The following ANK3 variants were observed in gnomAD, a reference collection of about 807,000 sequenced individuals.
ANK3 encodes the protein ankyrin-3.
In ANK3, 57 loss-of-function variants were observed where a neutral mutation model predicts 370.9. The ratio of observed to expected loss-of-function variants is 0.15; its 90% CI spans 0.12 to 0.19. The LOEUF is 0.19. Among genes scored for constraint, ANK3 ranks in the 10% least tolerant of loss-of-function variants. The pLI is 1.00. For synonymous variants in ANK3, 1,929 were observed against 1,946.3 expected (o/e 0.99, Z 0.23); for missense variants, 4,439 against 5,302.1 (o/e 0.84, Z 5.06).
chr10:60,070,141 A>T lies in ANK3; in HGVS notation c.10740T>A (p.Pro3580=). The T allele has an allele frequency of 6.2e-7, 1 of 1,614,150 alleles. No individual in the cohort carries two copies. Among genetic ancestry groups the T allele is most frequent in the Non-Finnish European group, 8.5e-7 (1 of 1,180,006 alleles). Residue 3580 remains proline, a synonymous_variant, in exon 37 of 44, where the codon CCT becomes CCA. Transcript: ENST00000280772. The surrounding 1 kb of genome is among the most constrained non-coding windows in gnomAD (Gnocchi z 5.7). ...TTGGCGTTCTGGCTGGCGTTGTATCAGGGGTTGTTGCTGGAGAGCGGTCTT... is the reference window on the plus strand; with the variant it reads ...TTGGCGTTCTGGCTGGCGTTGTATCTGGGGTTGTTGCTGGAGAGCGGTCTT... The part of the protein sequence containing the change: ...AVEDRSPATT[P]DTTPARTPTD...
At chr10:60,499,398 AT>A (rs781325034) in intron 2 of ANK3, among the ~76,000 whole-genome samples, 21 of 152,332 alleles carry the variant, frequency 1.4e-4, no homozygotes, top group Non-Finnish European at 2.8e-4. Context: ...TATAATACAT[AT>A]TTTTATAAGT....
chr10:60,574,208 A>G (rs2133271319), intron 2 of ANK3, among the ~76,000 whole-genome samples: 1 of 152,308 alleles, frequency 6.6e-6, no homozygotes, highest in African/African-American at 2.4e-5. Context: ...CTGAAACACC[A>G]GTCCCAGAGA....
intron 2 of ANK3, among the ~76,000 whole-genome samples, chr10:60,604,846 T>C (rs886881018): frequency 1.5e-4 from 23 of 152,078 alleles, no homozygotes; most frequent in African/African-American, 5.3e-4. Context: ...TGCTTTATTA[T>C]TGAAACAAGT....
In ANK3 at chr10:60,174,136, T is replaced by C. The variant is rs138473004; in HGVS notation, c.2185-950A>G. ...TTATATGATGGCACTAGAGTCTTTA[T>C]GGTGACCCCAGCAAATGAATACATT... On this transcript the variant is annotated intron_variant, in intron 18 of 43. Transcript: ENST00000280772. Among the ~76,000 whole-genome samples the C allele has an allele frequency of 4.6e-3, 698 of 152,308 alleles. 4 individuals carry two copies. Among genetic ancestry groups the C allele is most frequent in the African/African-American group, 0.016 (671 of 41,560 alleles).
intron 1 of ANK3, among the ~76,000 whole-genome samples, chr10:60,682,039 T>A (rs1564544084): frequency 6.6e-6 from 1 of 152,014 alleles, no homozygotes; most frequent in Non-Finnish European, 1.5e-5. Context: ...CTTAGCTACT[T>A]AGGAGGCTGA....
At chr10:60,458,372 A>G (rs1432463829) in intron 2 of ANK3, among the ~76,000 whole-genome samples, 2 of 152,122 alleles carry the variant, frequency 1.3e-5, no homozygotes, top group Admixed American at 1.3e-4. Context: ...TCTCTTAGGG[A>G]GGGTCCTAAT....
intron 16 of ANK3, among the ~76,000 whole-genome samples, chr10:60,187,926 G>A (rs997745980): frequency 2.0e-5 from 3 of 152,118 alleles, no homozygotes; most frequent in Non-Finnish European, 4.4e-5. Flanking sequence ...CACCCTCCAT[G>A]AGGTTTTTTA....
chr10:60,692,092 T>C (rs966441913), intron 1 of ANK3, among the ~76,000 whole-genome samples: 2 of 152,220 alleles, frequency 1.3e-5, no homozygotes, highest in Non-Finnish European at 2.9e-5. Context: ...TTATTTAAGA[T>C]ACAAATAGGT....
At chr10:60,584,882 T>C (rs558524887) in intron 2 of ANK3, among the ~76,000 whole-genome samples, 1 of 152,272 alleles carries the variant, frequency 6.6e-6, no homozygotes, top group Admixed American at 6.5e-5. Flanking sequence ...AAAGGGCTGA[T>C]GAGGCCAAGG....
intron 1 of ANK3, among the ~76,000 whole-genome samples, chr10:60,669,848 G>A (rs920109590): frequency 3.3e-5 from 5 of 151,852 alleles, no homozygotes; most frequent in African/African-American, 4.8e-5. Flanking sequence ...TTTGAGACAG[G>A]GCCTTGCTCT....
chr10:60,396,195 A>C (rs1391332766), intron 2 of ANK3, among the ~76,000 whole-genome samples: 1 of 152,200 alleles, frequency 6.6e-6, no homozygotes, highest in Non-Finnish European at 1.5e-5. Context: ...GATAGTAACA[A>C]GTGCTATGAA....
chr10:60,676,686 C>T (rs1233519429), intron 1 of ANK3, among the ~76,000 whole-genome samples: 1 of 152,090 alleles, frequency 6.6e-6, no homozygotes, highest in Non-Finnish European at 1.5e-5. Context: ...ATATTAGGAA[C>T]TAAAGATGCT....
At chr10:60,196,470 G>A (rs2096586984) in intron 15 of ANK3, 57 bp downstream of exon 15, 1 of 1,184,960 alleles carries the variant, frequency 8.4e-7, no homozygotes, top group Non-Finnish European at 1.2e-6. Context: ...ATATTAGCAA[G>A]GGTGTATTTT....
intron 7 of ANK3, among the ~76,000 whole-genome samples, chr10:60,246,761 A>T (rs1181585160): frequency 1.3e-5 from 2 of 152,236 alleles, no homozygotes; most frequent in South Asian, 4.1e-4. Flanking sequence ...TGGCTCATCA[A>T]CAATTCAGAT....
intron 24 of ANK3, among the ~76,000 whole-genome samples, chr10:60,137,782 A>T (rs752180267): frequency 6.6e-6 from 1 of 152,176 alleles, no homozygotes; most frequent in South Asian, 2.1e-4. Flanking sequence ...GTCATATATT[A>T]TCAGAAGAAC....
chr10:60,042,607 T>G, intron 43 of ANK3, 65 bp downstream of exon 43: 1 of 1,434,962 alleles, frequency 7.0e-7, no homozygotes, highest in Admixed American at 1.9e-5. Flanking sequence ...AATCACTTAT[T>G]TAGTGAAAAA....
chr10:60,440,334 T>A (rs1390964700), intron 2 of ANK3, among the ~76,000 whole-genome samples: 1 of 152,122 alleles, frequency 6.6e-6, no homozygotes, highest in African/African-American at 2.4e-5. Flanking sequence ...TATACTTGAC[T>A]CACAGTTATG....
At chr10:60,363,908 T>C (rs2059008534) in intron 1 of ANK3, among the ~76,000 whole-genome samples, 1 of 152,086 alleles carries the variant, frequency 6.6e-6, no homozygotes, top group Non-Finnish European at 1.5e-5. Context: ...GATTAATTTA[T>C]TTTTAAGCTA....
intron 1 of ANK3, among the ~76,000 whole-genome samples, chr10:60,648,827 C>A (rs1352077962): frequency 6.7e-6 from 1 of 149,934 alleles, no homozygotes; most frequent in East Asian, 2.0e-4. Flanking sequence ...CTCTTCCCAC[C>A]CCAGATACAC....
Sources: gnomAD v4.1 joint callset for allele counts (sites outside exome capture counted in the v4.1 genomes callset) on GRCh38, gnomAD v4.1.1 for gene constraint, Gnocchi (gnomAD v3.1) non-coding constraint, MANE v1.5 for transcripts, NCBI Gene and HGNC (gene_info 2026-07-23, HGNC 2026-07-21) for gene names.